NECTIN3: variants seen among roughly 807,000 people sequenced by gnomAD.
The protein encoded by NECTIN3 is nectin-3.
A neutral mutation model predicts 49.4 loss-of-function variants in NECTIN3; 8 were observed. That is an observed-to-expected ratio of 0.16 (90% confidence interval 0.10 to 0.29). The LOEUF (loss-of-function observed/expected upper bound fraction) is 0.29. Ranked by LOEUF, NECTIN3 falls within the 10% of genes least tolerant of loss-of-function variation. The pLI is 1.00. For synonymous variants in NECTIN3, 277 were observed against 241.1 expected (o/e 1.15, Z -1.38); for missense variants, 581 against 654.6 (o/e 0.89, Z 1.23).
intron 5 of NECTIN3, among the ~76,000 whole-genome samples, chr3:111,144,416 A>G (rs182071409): frequency 2.6e-5 from 4 of 151,106 alleles, no homozygotes; most frequent in South Asian, 4.2e-4. Flanking sequence ...ACAGTGTCCA[A>G]TGTCAATTTT....
intron 6 of NECTIN3, among the ~76,000 whole-genome samples, chr3:111,146,097 C>G (rs2034867050): frequency 6.6e-6 from 1 of 152,176 alleles, no homozygotes; most frequent in Non-Finnish European, 1.5e-5. Context: ...ATAAAATGCT[C>G]TTTCAGTATA....
chr3:111,071,920 C>A lies in NECTIN3; in HGVS notation c.-98C>A. ...GCTAGAGCTGGGAGCTGGGGACGCG[C>A]GCGCCGGACCTTCCACAGCCTCCGC... On this transcript the variant is annotated 5_prime_UTR_variant, in exon 1 of 6. Coordinates refer to ENST00000485303, the MANE Select transcript of NECTIN3 (RefSeq NM_015480.3). The A allele has an allele frequency of 2.5e-6, 2 of 797,882 alleles. No homozygotes were observed. Among genetic ancestry groups the A allele is most frequent in the Non-Finnish European group, 3.5e-6 (2 of 577,772 alleles). The allele number at this position is 797,882 out of a possible 1,614,324, so 49.4% of individuals were successfully genotyped here.
intron 7 of NECTIN3, among the ~76,000 whole-genome samples, chr3:111,155,956 C>A (rs1386225722): frequency 6.6e-6 from 1 of 152,072 alleles, no homozygotes; most frequent in Non-Finnish European, 1.5e-5. Flanking sequence ...GCTATTGATA[C>A]CCTCCTTATA....
rs745548812 is a variant in NECTIN3 at position 111,134,055 on chromosome 3, A to G, written c.1490A>G (p.Asn497Ser). 22 of 1,613,498 alleles carry G rather than the reference A, an allele frequency of 1.4e-5. No homozygotes were observed. In the African/African-American group the frequency reaches 1.5e-4, roughly 11 times the overall value. Reference sequence around the variant, plus strand: ...GAGCCTGAAAAAACTCAGTGGAACAATGTAGAAAATCTCAATAGGTTTGAA... The same window carrying G: ...GAGCCTGAAAAAACTCAGTGGAACAGTGTAGAAAATCTCAATAGGTTTGAA... ...LEEPEKTQWN[N>S]VENLNRFERP... Residue 497 changes from asparagine (N) to serine (S), a missense_variant, in exon 6 of 6, where the codon AAT (asparagine) becomes AGT (serine). Around this residue, in one of 3 missense-constraint regions of NECTIN3, gnomAD observed 238 missense variants for 244.9 expected, o/e 0.97. Transcript: ENST00000485303.
At chr3:111,109,755 G>C (rs2033376153) in intron 1 of NECTIN3, among the ~76,000 whole-genome samples, 1 of 151,782 alleles carries the variant, frequency 6.6e-6, no homozygotes, top group Non-Finnish European at 1.5e-5. Flanking sequence ...TCAGTAGTCT[G>C]TTAGTGTTTT....
chr3:111,189,690 T>A (rs1405060949), upstream of NECTIN3, among the ~76,000 whole-genome samples: 1 of 152,256 alleles, frequency 6.6e-6, no homozygotes. Context: ...TATTTTCCTT[T>A]GACCAGGACC....
At chr3:111,107,167 T>G (rs1418597858) in intron 1 of NECTIN3, among the ~76,000 whole-genome samples, 2 of 152,136 alleles carry the variant, frequency 1.3e-5, no homozygotes, top group African/African-American at 4.8e-5. Context: ...CATTACATTT[T>G]CTTTTCTGTC....
chr3:111,193,452 G>A (rs1045888504), intron 1 of NECTIN3: 43 of 1,418,412 alleles, frequency 3.0e-5, no homozygotes, highest in Non-Finnish European at 4.0e-5. Context: ...AAGGCCAATA[G>A]TTATTTTACT....
rs1201945832 is a variant in NECTIN3 at position 111,135,871 on chromosome 3, T to C, written c.*1656T>C. 1 of 924,366 alleles carries C rather than the reference T, an allele frequency of 1.1e-6. No homozygotes were observed. The highest frequency in any genetic ancestry group is 1.8e-5 in the African/African-American group (1 of 55,246). The allele number at this position is 924,366 out of a possible 1,614,324, so 57.3% of individuals were successfully genotyped here. A position where few individuals can be genotyped will look rare whatever the true frequency, so the allele number is the denominator to read the frequency against. On this transcript the variant is annotated 3_prime_UTR_variant, in exon 6 of 6. Coordinates refer to ENST00000485303, the MANE Select transcript of NECTIN3 (RefSeq NM_015480.3). The stretch of plus-strand genomic sequence containing the variant: ...AAATTAGAAACCTCTTTTATTTCTC[T>C]TCCCAAAAGTAATACTTATTATAAG...
chr3:111,150,839 C>T (rs1401134051), intron 7 of NECTIN3, among the ~76,000 whole-genome samples: 2 of 151,738 alleles, frequency 1.3e-5, no homozygotes, highest in African/African-American at 4.8e-5. Context: ...TTAGGAGATA[C>T]TGTTTATATT....
intron 5 of NECTIN3, among the ~76,000 whole-genome samples, chr3:111,129,588 A>G (rs1242928620): frequency 1.3e-5 from 2 of 152,192 alleles, no homozygotes; most frequent in African/African-American, 4.8e-5. Flanking sequence ...AGGGAAATCA[A>G]ATTTTGAGTA....
intron 1 of NECTIN3, among the ~76,000 whole-genome samples, chr3:111,103,451 GA>G (rs2033019398): frequency 6.8e-6 from 1 of 146,396 alleles, no homozygotes; most frequent in Admixed American, 6.8e-5. Context: ...GAAAGTGATT[GA>G]CTTTTTTTTT....
At chr3:111,114,696 C>T (rs959637690) in intron 2 of NECTIN3, among the ~76,000 whole-genome samples, 7 of 151,954 alleles carry the variant, frequency 4.6e-5, no homozygotes, top group Admixed American at 1.3e-4. Flanking sequence ...AAATGGTATT[C>T]TAGGATTGTG....
chr3:111,094,296 G>A (rs920659189), intron 1 of NECTIN3, among the ~76,000 whole-genome samples: 1 of 151,854 alleles, frequency 6.6e-6, no homozygotes, highest in Non-Finnish European at 1.5e-5. Context: ...TCACCCATAG[G>A]CATAGTTTTA....
At chr3:111,117,251 T>A (rs2033725724) in intron 2 of NECTIN3, among the ~76,000 whole-genome samples, 1 of 152,084 alleles carries the variant, frequency 6.6e-6, no homozygotes, top group Non-Finnish European at 1.5e-5. Context: ...ATACGTATGG[T>A]CCAATTCCAT....
chr3:111,104,855 A>G (rs2033100002), intron 1 of NECTIN3, among the ~76,000 whole-genome samples: 1 of 152,208 alleles, frequency 6.6e-6, no homozygotes. Flanking sequence ...AAGGTCACAA[A>G]TATTTGCATT....
At chr3:111,129,300 G>A (rs372551816) in intron 5 of NECTIN3, among the ~76,000 whole-genome samples, 6 of 151,832 alleles carry the variant, frequency 4.0e-5, no homozygotes, top group Admixed American at 6.6e-5. Flanking sequence ...TCTTTAGCAC[G>A]TATTGCCATG....
rs2034498898 is a variant in NECTIN3, at chr3:111,134,236, A to G, written c.*21A>G. 2.6e-6 allele frequency: 4 copies of G among 1,557,278 alleles called. No individual in the cohort carries two copies. The highest frequency in any genetic ancestry group is 3.5e-6 in the Non-Finnish European group (4 of 1,156,834). On this transcript the variant is annotated 3_prime_UTR_variant, in exon 6 of 6. Transcript: ENST00000485303. ...TTTAGCAACCACTGAATGTGACTTA[A>G]CTATGTACAATGTTCATTCACACTA...
intron 7 of NECTIN3, among the ~76,000 whole-genome samples, chr3:111,163,977 GAAAAAAA>G (rs760898538): frequency 1.8e-4 from 17 of 96,582 alleles, no homozygotes; most frequent in Non-Finnish European, 3.5e-4. Flanking sequence ...AAGTAAATCT[GAAAAAAA>G]AAAAAAAAGT....
Sources: allele counts gnomAD v4.1 joint callset (sites outside exome capture counted in the v4.1 genomes callset), GRCh38; gene constraint gnomAD v4.1.1; regional missense constraint gnomAD v4.1.1; transcripts MANE v1.5; gene names NCBI Gene and HGNC (gene_info 2026-07-23, HGNC 2026-07-21).